ZC3H12B: variants seen among roughly 807,000 people sequenced by gnomAD.
ZC3H12B encodes probable ribonuclease ZC3H12B.
A neutral mutation model predicts 43.9 loss-of-function variants in ZC3H12B; 7 were observed. The ratio of observed to expected loss-of-function variants is 0.16; its 90% CI spans 0.09 to 0.30. The LOEUF is 0.30. Ranked by LOEUF, ZC3H12B falls within the 10% of genes least tolerant of loss-of-function variation. ZC3H12B has a pLI of 1.00. For synonymous variants in ZC3H12B, 222 were observed against 241.7 expected (o/e 0.92, Z 0.76); for missense variants, 475 against 670.2 (o/e 0.71, Z 3.22).
upstream of ZC3H12B, among the ~76,000 whole-genome samples, chrX:65,485,918 A>G (rs1185336424): frequency 8.9e-6 from 1 of 112,039 alleles, no homozygotes; most frequent in South Asian, 3.7e-4. Flanking sequence ...CCACATCACT[A>G]TAAGCTCCTT....
At chrX:65,062,954 C>G in the ZC3H12B span, among the ~76,000 whole-genome samples, 1 of 111,292 alleles carries the variant, frequency 9.0e-6, no homozygotes, top group Non-Finnish European at 1.9e-5. Flanking sequence ...TGGTTTGGCT[C>G]TCTGTTTGTC....
chrX:65,450,910 TACAC>T (rs1216746757), intron 3 of ZC3H12B, among the ~76,000 whole-genome samples: 7 of 95,213 alleles, frequency 7.4e-5, no homozygotes, highest in East Asian at 3.2e-4. Flanking sequence ...TATACATATA[TACAC>T]ACACACACAT....
At chrX:65,456,983 A>C (rs1466379986) in intron 3 of ZC3H12B, among the ~76,000 whole-genome samples, 1 of 93,104 alleles carries the variant, frequency 1.1e-5, no homozygotes, top group African/African-American at 4.1e-5. Context: ...CCGCCATCCC[A>C]TCTAGGAAGC....
chrX:65,096,823 G>A, the ZC3H12B span, among the ~76,000 whole-genome samples: 1 of 111,198 alleles, frequency 9.0e-6, no homozygotes, highest in Admixed American at 9.5e-5. Flanking sequence ...AACATGTAAA[G>A]GGCTTATTGT....
chrX:65,426,448 G>GGTTTTCA (rs1445289489), intron 3 of ZC3H12B, among the ~76,000 whole-genome samples: 1 of 102,370 alleles, frequency 9.8e-6, no homozygotes, highest in Non-Finnish European at 2.0e-5. Flanking sequence ...TTTTTTGAAA[G>GGTTTTCA]GTTTTCAGTG....
the ZC3H12B span, among the ~76,000 whole-genome samples, chrX:65,103,137 C>G: frequency 3.7e-4 from 41 of 111,319 alleles, no homozygotes; most frequent in African/African-American, 1.3e-3. Flanking sequence ...CCTGGGAGCA[C>G]TATGGGAGAC....
chrX:65,336,416 G>A, the ZC3H12B span, among the ~76,000 whole-genome samples: 1 of 109,628 alleles, frequency 9.1e-6, no homozygotes, highest in Non-Finnish European at 1.9e-5. Context: ...TTGTCCCCCA[G>A]TGGACTGCCT....
chrX:65,265,344 G>C, the ZC3H12B span, among the ~76,000 whole-genome samples: 7 of 111,883 alleles, frequency 6.3e-5, no homozygotes, highest in Non-Finnish European at 1.1e-4. Flanking sequence ...GGCAACTGGA[G>C]TGTGCATGGT....
At chrX:65,176,237 G>A in the ZC3H12B span, among the ~76,000 whole-genome samples, 3 of 111,446 alleles carry the variant, frequency 2.7e-5, no homozygotes, top group Non-Finnish European at 5.7e-5. Flanking sequence ...GGCTTGAGTA[G>A]GCAGTTTTCT....
At chrX:65,164,737 A>G in the ZC3H12B span, among the ~76,000 whole-genome samples, 1 of 111,951 alleles carries the variant, frequency 8.9e-6, no homozygotes, top group East Asian at 2.8e-4. Context: ...AACATCTATC[A>G]TAAAGAGTTT....
At chrX:65,144,271 G>T in the ZC3H12B span, among the ~76,000 whole-genome samples, 1 of 111,546 alleles carries the variant, frequency 9.0e-6, no homozygotes, top group Non-Finnish European at 1.9e-5. Context: ...CTACATAAAG[G>T]TGTTCATAGT....
At chrX:65,506,435 A>G in exon 5 of ZC3H12B, 2 of 112,232 alleles carry the variant, frequency 1.8e-5, no homozygotes, top group African/African-American at 6.5e-5. Context: ...ATAAAACAGC[A>G]AATAACAAAG....
intron 2 of ZC3H12B, among the ~76,000 whole-genome samples, chrX:65,379,795 A>G (rs768097720): frequency 3.6e-4 from 41 of 112,597 alleles, no homozygotes; most frequent in Non-Finnish European, 6.8e-4. Flanking sequence ...AAGGCTCAAG[A>G]ACTACGTGAA....
At chrX:65,196,042 A>T in the ZC3H12B span, among the ~76,000 whole-genome samples, 2 of 111,659 alleles carry the variant, frequency 1.8e-5, no homozygotes, top group African/African-American at 6.5e-5. Context: ...CCTCAGCTAG[A>T]CTGGCAGAGC....
the ZC3H12B span, among the ~76,000 whole-genome samples, chrX:65,287,216 C>A: frequency 9.0e-6 from 1 of 111,492 alleles, no homozygotes; most frequent in African/African-American, 3.3e-5. Flanking sequence ...TCATTCTATT[C>A]AACAACTGCA....
the ZC3H12B span, among the ~76,000 whole-genome samples, chrX:65,139,328 C>T: frequency 9.8e-5 from 11 of 112,094 alleles, no homozygotes; most frequent in African/African-American, 3.6e-4. Flanking sequence ...TTTGCCCACA[C>T]CATTTATGGA....
chrX:65,165,453 C>T, the ZC3H12B span, among the ~76,000 whole-genome samples: 24 of 111,635 alleles, frequency 2.1e-4, no homozygotes, highest in African/African-American at 2.9e-4. Flanking sequence ...CGAAAGGCCC[C>T]GGTGTGGGAT....
At chrX:65,223,044 A>G in the ZC3H12B span, among the ~76,000 whole-genome samples, 1 of 112,032 alleles carries the variant, frequency 8.9e-6, no homozygotes, top group Non-Finnish European at 1.9e-5. Flanking sequence ...AGGCACATAG[A>G]CCAATGGAAC....
the ZC3H12B span, among the ~76,000 whole-genome samples, chrX:65,143,725 G>C: frequency 9.3e-6 from 1 of 107,486 alleles, no homozygotes; most frequent in Admixed American, 1.0e-4. Flanking sequence ...ACCATGCCCA[G>C]CTAATTTTTT....
Sources: gnomAD v4.1 joint callset for allele counts (sites outside exome capture counted in the v4.1 genomes callset) on GRCh38, gnomAD v4.1.1 for gene constraint, MANE v1.5 for transcripts, NCBI Gene and HGNC (gene_info 2026-07-23, HGNC 2026-07-21) for gene names.